Variants in SIPA1L3 observed in about 807,000 individuals in gnomAD.
SIPA1L3 encodes the protein signal induced proliferation associated 1 like 3.
A neutral mutation model predicts 150.1 loss-of-function variants in SIPA1L3; 59 were observed. That is an observed-to-expected ratio of 0.39 (90% CI 0.32 to 0.49). The LOEUF (loss-of-function observed/expected upper bound fraction) is 0.49. Ranked by LOEUF, SIPA1L3 falls within the 20% of genes least tolerant of loss-of-function variation. The probability of loss-of-function intolerance (pLI) is 0.86; values close to 1 mark genes in which losing one functional copy is unlikely to be tolerated. For missense variants in SIPA1L3, 2,211 were observed against 2,489.5 expected, an observed-to-expected ratio of 0.89 and a Z score of 2.38; for synonymous variants, 1,070 against 1,077.6, an observed-to-expected ratio of 0.99 and a Z score of 0.14.
At chr19:37,973,098 A>G (rs1966981171) in intron 1 of SIPA1L3, among the ~76,000 whole-genome samples, 1 of 152,040 alleles carries the variant, frequency 6.6e-6, no homozygotes, top group Non-Finnish European at 1.5e-5. Context: ...TTGGGGGACA[A>G]GAAGTCAATA....
In SIPA1L3 at chr19:38,164,419, C is replaced by T; in HGVS notation, c.3781-60C>T. On this transcript the variant is annotated intron_variant, in intron 14 of 21. Coordinates refer to ENST00000222345, the MANE Select transcript of SIPA1L3 (RefSeq NM_015073.3). This position sits in a 1 kb window ranked among gnomAD's most constrained non-coding sequence, Gnocchi z 4.1. ...AGGCCCAGGCAGAGGGAGGACCCGG[C>T]AAGGGAAGATGCGCCCCTGCCCTGG... 1 of 1,508,610 alleles carries T rather than the reference C, an allele frequency of 6.6e-7. No homozygotes were observed. The highest frequency in any genetic ancestry group is 2.3e-5 in the East Asian group (1 of 43,914). 93.5% of individuals were successfully genotyped at this position (1,508,610 alleles called of 1,614,324 possible).
At chr19:37,980,424 T>C (rs1188271533) in intron 1 of SIPA1L3, among the ~76,000 whole-genome samples, 5 of 152,224 alleles carry the variant, frequency 3.3e-5, no homozygotes, top group Non-Finnish European at 1.5e-5. Flanking sequence ...GATCCTCTTA[T>C]TTTAGTGTTC....
chr19:38,079,496 C>T (rs967889282), intron 2 of SIPA1L3, among the ~76,000 whole-genome samples: 1 of 151,500 alleles, frequency 6.6e-6, no homozygotes, highest in Non-Finnish European at 1.5e-5. Context: ...TCCAGAAGAC[C>T]GGGCTTCTCT....
intron 1 of SIPA1L3, among the ~76,000 whole-genome samples, chr19:37,984,141 G>A (rs1967280011): frequency 6.6e-6 from 1 of 152,192 alleles, no homozygotes; most frequent in South Asian, 2.1e-4. Flanking sequence ...GGAGCGCTGT[G>A]TGAGCCCTGC....
Position 38,164,309 on chromosome 19 carries a change from G to A in SIPA1L3, c.3781-170G>A, listed in dbSNP as rs932282679. Among the ~76,000 whole-genome samples, 2 of 152,146 alleles carry A rather than the reference G, an allele frequency of 1.3e-5. No homozygotes were observed. Among genetic ancestry groups the A allele is most frequent in the African/African-American group, 4.8e-5 (2 of 41,420 alleles). On this transcript the variant is annotated intron_variant, in intron 14 of 21. Transcript: ENST00000222345. This position sits in a 1 kb window ranked among gnomAD's most constrained non-coding sequence, Gnocchi z 4.1. ...CCATTTTACAGATGTGGAAACTGAG[G>A]CTGAGGGAAGGTAAATCACTTGCCC...
chr19:38,206,593 C>T lies in SIPA1L3; in HGVS notation c.*353C>T. ...GATGGGGACGGAGAGAGGAGCCAGT[C>T]TCCAGACGCCTCGGCTCCAGGAGGT... On this transcript the variant is annotated 3_prime_UTR_variant, in exon 22 of 22. Coordinates refer to ENST00000222345, the MANE Select transcript of SIPA1L3 (RefSeq NM_015073.3). 1 of 196,542 alleles carries T rather than the reference C, an allele frequency of 5.1e-6. No individual in the cohort carries two copies. Among genetic ancestry groups the T allele is most frequent in the Admixed American group, 6.0e-5 (1 of 16,546 alleles). The allele number at this position is 196,542 out of a possible 1,614,324, so 12.2% of individuals were successfully genotyped here.
chr19:38,131,422 T>A (rs972589786), intron 10 of SIPA1L3, among the ~76,000 whole-genome samples: 6 of 152,018 alleles, frequency 3.9e-5, no homozygotes, highest in Admixed American at 2.6e-4. Context: ...GCCTCCCCAG[T>A]GTACATGGGT....
chr19:38,068,442 C>T (rs1969645971), intron 2 of SIPA1L3, among the ~76,000 whole-genome samples: 1 of 152,174 alleles, frequency 6.6e-6, no homozygotes, highest in Non-Finnish European at 1.5e-5. Flanking sequence ...TCCCACAGCA[C>T]ACTCATTTGA....
chr19:38,006,373 G>A (rs1295567361), intron 1 of SIPA1L3, among the ~76,000 whole-genome samples: 1 of 152,096 alleles, frequency 6.6e-6, no homozygotes, highest in African/African-American at 2.4e-5. Flanking sequence ...GCAGGGTGTG[G>A]GGCATCACGC....
chr19:38,162,973 A>T (rs10412762), intron 14 of SIPA1L3, among the ~76,000 whole-genome samples: 27,387 of 152,158 alleles, frequency 0.18, 2,932 homozygotes, highest in African/African-American at 0.3. Context: ...TGGCCCAGGA[A>T]GGCTGGGGAT....
At chr19:38,113,940 C>G (rs1012561896) in intron 8 of SIPA1L3, among the ~76,000 whole-genome samples, 1 of 152,088 alleles carries the variant, frequency 6.6e-6, no homozygotes, top group African/African-American at 2.4e-5. Flanking sequence ...AATGGCCACC[C>G]GCATCATCCC....
Position 38,142,600 on chromosome 19 carries a change from C to T in SIPA1L3, c.3423C>T (p.Tyr1141=), listed in dbSNP as rs1971616176. 2 of 1,613,758 alleles carry T rather than the reference C, an allele frequency of 1.2e-6. No homozygotes were observed. The highest frequency in any genetic ancestry group is 1.7e-5 in the Admixed American group (1 of 59,970). The change falls in exon 12 of 22, where the codon TAC becomes TAT. Residue 1141 remains tyrosine, a synonymous_variant. Coordinates refer to ENST00000222345, the MANE Select transcript of SIPA1L3 (RefSeq NM_015073.3). The part of the protein sequence containing the change: ...KRPVSFPETP[Y]TVSPAGADRV... Reference sequence around the variant, plus strand: ...CTGTCAGCTTCCCAGAAACCCCTTACACAGTATCACCAGCAGGGGCCGACA... The same window carrying T: ...CTGTCAGCTTCCCAGAAACCCCTTATACAGTATCACCAGCAGGGGCCGACA...
At chr19:38,187,545 G>A (rs1427645905) in intron 16 of SIPA1L3, among the ~76,000 whole-genome samples, 1 of 150,952 alleles carries the variant, frequency 6.6e-6, no homozygotes, top group Non-Finnish European at 1.5e-5. Flanking sequence ...GTGAAACCCC[G>A]TCTCTACTAA....
Position 38,206,477 on chromosome 19 carries a change from G to T in SIPA1L3, c.*237G>T. On this transcript the variant is annotated 3_prime_UTR_variant, in exon 22 of 22. Coordinates refer to ENST00000222345, the MANE Select transcript of SIPA1L3 (RefSeq NM_015073.3). ...GCCTCCCTCCAAGCTGCCCAGCTGT[G>T]GTCCCGGTGAGCTGGGCTGTGCTTA... 1 of 489,568 alleles carries T rather than the reference G, an allele frequency of 2.0e-6. No homozygotes were observed. Among genetic ancestry groups the T allele is most frequent in the Non-Finnish European group, 3.6e-6 (1 of 279,780 alleles). 30.3% of individuals were successfully genotyped at this position (489,568 alleles called of 1,614,324 possible).
chr19:38,198,607 T>C, intron 19 of SIPA1L3, 75 bp downstream of exon 19: 1 of 1,309,946 alleles, frequency 7.6e-7, no homozygotes, highest in African/African-American at 1.5e-5. Flanking sequence ...GAGGGCCTCA[T>C]GGCTTTGCAG....
chr19:38,167,549 A>G (rs571221945), intron 15 of SIPA1L3, among the ~76,000 whole-genome samples: 1 of 152,256 alleles, frequency 6.6e-6, no homozygotes, highest in East Asian at 1.9e-4. Flanking sequence ...CTCTCAGTTC[A>G]TCTCCCTAGA....
At chr19:38,022,798 C>A (rs556298888) in intron 1 of SIPA1L3, among the ~76,000 whole-genome samples, 104 of 152,348 alleles carry the variant, frequency 6.8e-4, no homozygotes, top group African/African-American at 2.4e-3. Context: ...AAACCTTGTG[C>A]TTCAACCCAG....
At chr19:38,066,122 C>T (rs1599990166) in intron 2 of SIPA1L3, among the ~76,000 whole-genome samples, 1 of 151,760 alleles carries the variant, frequency 6.6e-6, no homozygotes, top group Non-Finnish European at 1.5e-5. Context: ...AGGTGATCCT[C>T]CCGCCTCAGC....
chr19:38,139,825 G>A (rs1280712084), intron 10 of SIPA1L3, among the ~76,000 whole-genome samples: 2 of 152,202 alleles, frequency 1.3e-5, no homozygotes, highest in Admixed American at 1.3e-4. Flanking sequence ...CTACTTCCAT[G>A]ATGGGGCCTT....
Sources: allele counts gnomAD v4.1 joint callset (sites outside exome capture counted in the v4.1 genomes callset), GRCh38; gene constraint gnomAD v4.1.1; non-coding constraint Gnocchi (gnomAD v3.1); transcripts MANE v1.5; gene names NCBI Gene and HGNC (gene_info 2026-07-23, HGNC 2026-07-21).